The following FAM135B variants were observed in gnomAD, a reference collection of about 807,000 sequenced individuals.
FAM135B encodes the protein protein FAM135B.
In FAM135B, 43 loss-of-function variants were observed where a neutral mutation model predicts 127.7. The ratio of observed to expected loss-of-function variants is 0.34; its 90% CI spans 0.26 to 0.43. The LOEUF (loss-of-function observed/expected upper bound fraction) is 0.43. Ranked by LOEUF, FAM135B falls within the 20% of genes least tolerant of loss-of-function variation. The pLI, the probability that FAM135B is intolerant of heterozygous loss-of-function variation, is 1.00. For synonymous variants in FAM135B, 670 were observed against 665.1 expected (o/e 1.01, Z -0.11); for missense variants, 1,558 against 1,725.6 (o/e 0.90, Z 1.72).
At chr8:138,425,247 G>T (rs979844181) in intron 1 of FAM135B, among the ~76,000 whole-genome samples, 1 of 152,124 alleles carries the variant, frequency 6.6e-6, no homozygotes, top group Admixed American at 6.6e-5. Context: ...CTTTGATGTG[G>T]GTAAGATTGC....
At position 138,153,116 on chromosome 8, in the gene FAM135B, A is replaced by G; in HGVS notation, c.1359T>C (p.Asn453=). 1 of 1,614,014 alleles carries G rather than the reference A, an allele frequency of 6.2e-7. No homozygotes were observed. The highest frequency in any genetic ancestry group is 1.3e-5 in the African/African-American group (1 of 75,030). The stretch of plus-strand genomic sequence containing the variant: ...AGACAAGGTCTTCCCTAAAAGATAA[A>G]TTGCTATTTACCATACAGTTATCTT... The part of the protein sequence containing the change: ...DKEDNCMVNS[N]LSFREDLVLS... Residue 453 remains asparagine, a synonymous_variant, in exon 13 of 20, where the codon AAT becomes AAC. Transcript: ENST00000395297.
chr8:138,462,591 T>C (rs528999844), intron 1 of FAM135B, among the ~76,000 whole-genome samples: 1 of 152,274 alleles, frequency 6.6e-6, no homozygotes, highest in Non-Finnish European at 1.5e-5. Context: ...CCAGGACAAC[T>C]GAGCCAGGCT....
intron 1 of FAM135B, among the ~76,000 whole-genome samples, chr8:138,492,135 A>G (rs1195734235): frequency 6.6e-6 from 1 of 152,128 alleles, no homozygotes; most frequent in Non-Finnish European, 1.5e-5. Flanking sequence ...TGGGAAGCAG[A>G]ATAGAGGCAG....
At chr8:138,357,404 G>A (rs1830158354) in intron 2 of FAM135B, among the ~76,000 whole-genome samples, 1 of 152,088 alleles carries the variant, frequency 6.6e-6, no homozygotes, top group African/African-American at 2.4e-5. Flanking sequence ...TTATAACTTG[G>A]AAAGTGAGAA....
chr8:138,214,340 C>A (rs570216364), intron 7 of FAM135B, among the ~76,000 whole-genome samples: 1 of 152,276 alleles, frequency 6.6e-6, no homozygotes, highest in South Asian at 2.1e-4. Context: ...ACATAGTATG[C>A]TTAACATGGT....
At chr8:138,247,541 C>A (rs761225043) in intron 6 of FAM135B, among the ~76,000 whole-genome samples, 4 of 152,216 alleles carry the variant, frequency 2.6e-5, no homozygotes, top group Non-Finnish European at 4.4e-5. Context: ...TGAGGCCTCC[C>A]CAGCCCTGTG....
intron 1 of FAM135B, among the ~76,000 whole-genome samples, chr8:138,456,697 T>C (rs193211302): frequency 6.6e-5 from 10 of 152,170 alleles, no homozygotes; most frequent in Non-Finnish European, 1.3e-4. Flanking sequence ...CTAAAATATA[T>C]ACCAAATGGT....
intron 1 of FAM135B, among the ~76,000 whole-genome samples, chr8:138,384,945 C>A (rs1372074821): frequency 6.6e-6 from 1 of 152,106 alleles, no homozygotes; most frequent in Admixed American, 6.5e-5. Flanking sequence ...CTCCAGCGAC[C>A]TCTCGTTCCT....
intron 12 of FAM135B, among the ~76,000 whole-genome samples, chr8:138,156,886 A>T (rs1001854335): frequency 1.1e-4 from 17 of 152,224 alleles, no homozygotes; most frequent in Non-Finnish European, 1.8e-4. Context: ...AGCTGGTACC[A>T]TTCCTTCTGA....
At position 138,169,387 on chromosome 8, in the gene FAM135B, C is replaced by CTTCTCTGAATATTTAACTCTTTAAATG. The variant is rs1302110649; in HGVS notation, c.1104-1365_1104-1339dup. ...CTGAATATTTAACTCTTTAAATGTT[C>CTTCTCTGAATATTTAACTCTTTAAATG]TTCTCTGAATATTTAACTCTTTAAA... On this transcript the variant is annotated intron_variant, in intron 11 of 19. Transcript: ENST00000395297. Among the ~76,000 whole-genome samples, 30 of 149,414 alleles carry CTTCTCTGAATATTTAACTCTTTAAATG rather than the reference C, an allele frequency of 2.0e-4. 4 individuals are homozygous for CTTCTCTGAATATTTAACTCTTTAAATG. The highest frequency in any genetic ancestry group is 6.1e-4 in the African/African-American group (24 of 39,596).
intron 1 of FAM135B, among the ~76,000 whole-genome samples, chr8:138,455,057 A>G (rs901292664): frequency 1.3e-5 from 2 of 152,240 alleles, no homozygotes; most frequent in African/African-American, 4.8e-5. Context: ...AGCCATTCAG[A>G]GTGTAAATGT....
chr8:138,384,440 T>C, intron 1 of FAM135B, among the ~76,000 whole-genome samples: 1 of 152,070 alleles, frequency 6.6e-6, no homozygotes. Context: ...GCTTCCAGAG[T>C]TCAGCCTGCG....
At chr8:138,454,044 AG>A (rs1836641847) in intron 1 of FAM135B, among the ~76,000 whole-genome samples, 1 of 152,128 alleles carries the variant, frequency 6.6e-6, no homozygotes, top group African/African-American at 2.4e-5. Flanking sequence ...ACTGACTCCC[AG>A]GACCAGGTGG....
intron 1 of FAM135B, among the ~76,000 whole-genome samples, chr8:138,458,585 G>A (rs1836935502): frequency 6.6e-6 from 1 of 152,104 alleles, no homozygotes; most frequent in South Asian, 2.1e-4. Flanking sequence ...TTCCTTCCTG[G>A]TACCAAATCT....
chr8:138,422,840 T>C (rs902650642), intron 1 of FAM135B, among the ~76,000 whole-genome samples: 5 of 152,182 alleles, frequency 3.3e-5, no homozygotes, highest in Non-Finnish European at 7.3e-5. Context: ...CTTTTCATAA[T>C]AGCAAAAAGA....
chr8:138,469,458 C>G (rs1017829942), intron 1 of FAM135B, among the ~76,000 whole-genome samples: 1 of 151,972 alleles, frequency 6.6e-6, no homozygotes, highest in Admixed American at 6.5e-5. Flanking sequence ...GATTGAGGAC[C>G]CTGAGAAAGG....
intron 4 of FAM135B, among the ~76,000 whole-genome samples, chr8:138,265,007 C>T (rs1464802357): frequency 6.6e-6 from 1 of 152,206 alleles, no homozygotes; most frequent in East Asian, 1.9e-4. Flanking sequence ...GTTTGAGCTT[C>T]AGATATTCCT....
intron 11 of FAM135B, among the ~76,000 whole-genome samples, chr8:138,173,470 C>T (rs1171119379): frequency 6.6e-6 from 1 of 152,162 alleles, no homozygotes. Context: ...AGATAAGTTA[C>T]TTAACCTCTC....
rs113399124 is a variant in FAM135B at position 138,449,463 on chromosome 8, G to A, written c.-20+47208C>T. On this transcript the variant is annotated intron_variant, in intron 1 of 19. Transcript: ENST00000395297. ...ATTGTTGAGGTGAGAGTGGCTGGAC[G>A]TGGGGAGGGGGGCAGTAGTGAAACA... 5.3e-5 allele frequency among the ~76,000 whole-genome samples: 8 copies of A among 152,122 alleles called. No individual in the cohort carries two copies. The South Asian group carries it at 6.2e-4, about 12-fold the overall frequency.
Sources: gnomAD v4.1 joint callset for allele counts (sites outside exome capture counted in the v4.1 genomes callset) on GRCh38, gnomAD v4.1.1 for gene constraint, MANE v1.5 for transcripts, NCBI Gene and HGNC (gene_info 2026-07-23, HGNC 2026-07-21) for gene names.